MORN5: variants seen among roughly 807,000 people sequenced by gnomAD.
MORN5 encodes the protein MORN repeat-containing protein 5.
MORN5 carries 21 observed loss-of-function variants against 22.1 expected under a neutral mutation model. The observed-to-expected ratio is 0.95, with a 90% confidence interval of 0.67 to 1.37. The LOEUF (loss-of-function observed/expected upper bound fraction) is 1.37. Ranked by LOEUF, MORN5 falls within the 40% of genes most tolerant of loss-of-function variation. The pLI, the probability that MORN5 is intolerant of heterozygous loss-of-function variation, is 0.00. For synonymous variants in MORN5, 73 were observed against 74.0 expected (o/e 0.99, Z 0.07); for missense variants, 211 against 215.1 (o/e 0.98, Z 0.12).
chr9:122,172,128 AT>A (rs749607897), intron 3 of MORN5, among the ~76,000 whole-genome samples: 3,456 of 136,550 alleles, frequency 0.025, 70 homozygotes, highest in African/African-American at 0.064. Context: ...CTCCTGGTTA[AT>A]TTTTTTTTTT....
At chr9:122,198,612 G>A (rs1236738439) in intron 4 of MORN5, among the ~76,000 whole-genome samples, 2 of 152,150 alleles carry the variant, frequency 1.3e-5, no homozygotes, top group East Asian at 1.9e-4. Flanking sequence ...CAGGAAGGAT[G>A]AGCAGGACTC....
Position 122,197,971 on chromosome 9 carries a change from G to A in MORN5, c.440-1914G>A, listed in dbSNP as rs150579477. Among the ~76,000 whole-genome samples the A allele has an allele frequency of 1.4e-4, 21 of 152,286 alleles. No homozygotes were observed. The East Asian group carries it at 2.5e-3, about 18-fold the overall frequency. The stretch of plus-strand genomic sequence containing the variant: ...GCCAGAGTGTGCCAGGCAGCAAGCC[G>A]TTTTCCTTAGGTCTCATGTAAAGAA... On this transcript the variant is annotated intron_variant, in intron 4 of 4. Coordinates refer to ENST00000373764, the MANE Select transcript of MORN5 (RefSeq NM_198469.4). This position sits in a 1 kb window ranked among gnomAD's most constrained non-coding sequence, Gnocchi z 5.7.
chr9:122,162,817 G>T (rs570691954), intron 1 of MORN5, among the ~76,000 whole-genome samples: 1 of 152,198 alleles, frequency 6.6e-6, no homozygotes, highest in South Asian at 2.1e-4. Flanking sequence ...TAGAGATGAG[G>T]ATTGTGGGCA....
intron 4 of MORN5, among the ~76,000 whole-genome samples, chr9:122,187,738 G>A (rs984140892): frequency 3.9e-5 from 6 of 152,300 alleles, no homozygotes; most frequent in South Asian, 2.1e-4. Flanking sequence ...TATTCCCTAC[G>A]ATGTTTAATT....
At chr9:122,188,495 A>G (rs1275020193) in intron 4 of MORN5, among the ~76,000 whole-genome samples, 1 of 152,212 alleles carries the variant, frequency 6.6e-6, no homozygotes, top group Non-Finnish European at 1.5e-5. Flanking sequence ...ACATTTGCCA[A>G]CTGGACAACA....
At chr9:122,183,645 G>A (rs751378832) in intron 4 of MORN5, among the ~76,000 whole-genome samples, 4 of 152,158 alleles carry the variant, frequency 2.6e-5, no homozygotes, top group South Asian at 2.1e-4. Context: ...CAGAAATGCC[G>A]TCAAGATTCC....
intron 4 of MORN5, among the ~76,000 whole-genome samples, chr9:122,192,299 T>C (rs1829788081): frequency 6.6e-6 from 1 of 152,166 alleles, no homozygotes; most frequent in South Asian, 2.1e-4. Context: ...TAACCTTTTT[T>C]AGGAATGATC....
chr9:122,169,837 A>G, intron 3 of MORN5, 81 bp downstream of exon 3: 3 of 960,182 alleles, frequency 3.1e-6, no homozygotes, highest in South Asian at 1.3e-5. Context: ...ACTGTGTCCT[A>G]CTAAAGTAAC....
chr9:122,162,631 A>T (rs964959480), intron 1 of MORN5, among the ~76,000 whole-genome samples: 3 of 152,252 alleles, frequency 2.0e-5, no homozygotes, highest in Non-Finnish European at 4.4e-5. Context: ...TTGGAATACT[A>T]CTCAGCAATA....
chr9:122,182,395 T>A (rs1829549294), intron 4 of MORN5, among the ~76,000 whole-genome samples: 5 of 152,252 alleles, frequency 3.3e-5, no homozygotes, highest in Admixed American at 3.3e-4. Context: ...CATCCACAGC[T>A]CAGCTGGGAA....
Position 122,174,522 on chromosome 9 carries a change from C to G in MORN5, c.334C>G (p.Pro112Ala), listed in dbSNP as rs760999083. 3.1e-6 allele frequency: 5 copies of G among 1,613,876 alleles called. No individual in the cohort carries two copies. The highest frequency in any genetic ancestry group is 1.3e-5 in the African/African-American group (1 of 74,878). Residue 112 changes from proline (P) to alanine (A), a missense_variant, in exon 4 of 5, where the codon CCA (proline) becomes GCA (alanine). By Grantham distance (27) the Pro-to-Ala change is conservative. Coordinates refer to ENST00000373764, the MANE Select transcript of MORN5 (RefSeq NM_198469.4). The part of the protein sequence containing the change: ...AGMAQLTNMD[P>A]PRKIPKGYYD... ...TATGGCTCAACTCACCAATATGGACCCACCTAGAAAAATCCCCAAGGGCTA... is the reference window on the plus strand; with the variant it reads ...TATGGCTCAACTCACCAATATGGACGCACCTAGAAAAATCCCCAAGGGCTA...
intron 4 of MORN5, among the ~76,000 whole-genome samples, chr9:122,183,436 A>G (rs1167882332): frequency 2.0e-5 from 3 of 152,204 alleles, no homozygotes; most frequent in African/African-American, 4.8e-5. Context: ...ATGATACCCC[A>G]TGCGAGTGTC....
intron 4 of MORN5, among the ~76,000 whole-genome samples, chr9:122,180,643 T>G (rs956055675): frequency 2.0e-5 from 3 of 152,180 alleles, no homozygotes; most frequent in Admixed American, 6.5e-5. Context: ...CTAAATTGAT[T>G]TCACAACCTT....
chr9:122,183,665 T>C (rs1829568653), intron 4 of MORN5, among the ~76,000 whole-genome samples: 1 of 152,182 alleles, frequency 6.6e-6, no homozygotes, highest in South Asian at 2.1e-4. Flanking sequence ...CCGCCAACAT[T>C]ATCCCCTTTG....
chr9:122,170,950 C>T (rs967162516), intron 3 of MORN5, among the ~76,000 whole-genome samples: 31 of 151,932 alleles, frequency 2.0e-4, no homozygotes, highest in African/African-American at 7.5e-4. Context: ...ACATTCTGCA[C>T]ATGTACCCCA....
At chr9:122,168,721 T>C (rs1007126607) in intron 2 of MORN5, among the ~76,000 whole-genome samples, 3 of 152,180 alleles carry the variant, frequency 2.0e-5, no homozygotes, top group African/African-American at 7.2e-5. Flanking sequence ...TTTCCAGCTA[T>C]AATAATAATA....
In MORN5 at chr9:122,169,622, C is replaced by T. The variant is rs370937219; in HGVS notation, c.196-23C>T. 1.6e-5 allele frequency: 25 copies of T among 1,551,526 alleles called. No individual in the cohort carries two copies. In the African/African-American group the frequency reaches 2.0e-4, roughly 13 times the overall value. ...AAAGCCTTCAGCTTCCTCAGATGCA[C>T]GTGTGTGCTCCTTGTCTTCCAGGGC... On this transcript the variant is annotated intron_variant, in intron 2 of 4. Coordinates refer to ENST00000373764, the MANE Select transcript of MORN5 (RefSeq NM_198469.4).
At position 122,163,979 on chromosome 9, in the gene MORN5, G is replaced by T. The variant is rs1227037643; in HGVS notation, c.48-2789G>T. 2.6e-5 allele frequency among the ~76,000 whole-genome samples: 4 copies of T among 152,172 alleles called. No homozygotes were observed. In the South Asian group the frequency reaches 8.3e-4, roughly 32 times the overall value. ...GCTCACAGCAATGTCCACCCCACCG[G>T]ACTCAAGCGATCCTCCCACCTCAGC... On this transcript the variant is annotated intron_variant, in intron 1 of 4. Coordinates refer to ENST00000373764, the MANE Select transcript of MORN5 (RefSeq NM_198469.4).
chr9:122,192,637 C>T (rs535620259), intron 4 of MORN5, among the ~76,000 whole-genome samples: 1 of 152,348 alleles, frequency 6.6e-6, no homozygotes, highest in Non-Finnish European at 1.5e-5. Flanking sequence ...CTCCTCCCTG[C>T]CTTCACTGAG....
Sources: gnomAD v4.1 joint callset for allele counts (sites outside exome capture counted in the v4.1 genomes callset) on GRCh38, gnomAD v4.1.1 for gene constraint, Gnocchi (gnomAD v3.1) non-coding constraint, MANE v1.5 for transcripts, NCBI Gene and HGNC (gene_info 2026-07-23, HGNC 2026-07-21) for gene names.